The following C10orf88 variants were observed in gnomAD, a reference collection of about 807,000 sequenced individuals.
The protein encoded by C10orf88 is chromosome 10 open reading frame 88.
A neutral mutation model predicts 34.2 loss-of-function variants in C10orf88; 29 were observed. The observed-to-expected ratio is 0.85, with a 90% CI of 0.63 to 1.16. The LOEUF (loss-of-function observed/expected upper bound fraction) is 1.16. Among genes scored for constraint, C10orf88 ranks in the 50% most tolerant of loss-of-function variants. C10orf88 has a pLI of 0.00. For missense variants in C10orf88, 507 were observed against 533.2 expected, an observed-to-expected ratio of 0.95 and a Z score of 0.48; for synonymous variants, 194 against 197.4, an observed-to-expected ratio of 0.98 and a Z score of 0.15.
chr10:122,950,686 G>A (rs1459235808), intron 3 of C10orf88, among the ~76,000 whole-genome samples: 1 of 152,070 alleles, frequency 6.6e-6, no homozygotes. Context: ...TTGCCCACTA[G>A]AATACAAGCA....
chr10:122,953,979 G>A (rs1279253363), intron 1 of C10orf88, 36 bp downstream of exon 1: 2 of 1,482,964 alleles, frequency 1.3e-6, no homozygotes, highest in Non-Finnish European at 8.9e-7. Context: ...GGCAGTTGCC[G>A]AGCATAGCGA....
intron 5 of C10orf88, among the ~76,000 whole-genome samples, chr10:122,936,032 A>C (rs1848531453): frequency 6.6e-6 from 1 of 151,888 alleles, no homozygotes. Context: ...AAGCATGTAA[A>C]ATTGATGTTC....
Position 122,938,212 on chromosome 10 carries a change from T to G in C10orf88, c.649-53A>C. The stretch of plus-strand genomic sequence containing the variant: ...ATATTAATAACACTGACAGCTAACT[T>G]TTGGAGTAATTACTATGAGTCAGGC... On this transcript the variant is annotated intron_variant, in intron 4 of 5. Coordinates refer to ENST00000481909, the MANE Select transcript of C10orf88 (RefSeq NM_024942.4). 4 of 1,402,228 alleles carry G rather than the reference T, an allele frequency of 2.9e-6. No homozygotes were observed. In the South Asian group the frequency reaches 5.4e-5, roughly 19 times the overall value. The allele number at this position is 1,402,228 out of a possible 1,614,324, so 86.9% of individuals were successfully genotyped here. A position where few individuals can be genotyped will look rare whatever the true frequency, so the allele number is the denominator to read the frequency against.
chr10:122,947,738 G>A (rs1020546613), intron 4 of C10orf88, among the ~76,000 whole-genome samples: 16 of 152,078 alleles, frequency 1.1e-4, no homozygotes, highest in Non-Finnish European at 2.2e-4. Context: ...TTTCCTCCAA[G>A]CATCCTCCTC....
rs374922382 is a variant in C10orf88, at chr10:122,939,311, G to T, written c.649-1152C>A. ...AAAAAGGGGAAAGAAAAGAAAAAGA[G>T]AAAGTAAGGGAAAGAGAAAAGAAGT... On this transcript the variant is annotated intron_variant, in intron 4 of 5. Transcript: ENST00000481909. 1.5e-4 allele frequency among the ~76,000 whole-genome samples: 22 copies of T among 150,954 alleles called. No individual in the cohort carries two copies. The East Asian group carries it at 1.6e-3, about 11-fold the overall frequency.
At position 122,932,555 on chromosome 10, in the gene C10orf88, G is replaced by T; in HGVS notation, c.1210C>A (p.Leu404Ile). Residue 404 changes from leucine (L) to isoleucine (I), a missense_variant, in exon 6 of 6, where the codon CTC (leucine) becomes ATC (isoleucine). By Grantham distance (5) the Leu-to-Ile change is conservative (BLOSUM62 2). Transcript: ENST00000481909. The stretch of plus-strand genomic sequence containing the variant: ...ATCTTATCATCAATGTGCTCCTGGA[G>T]TTCATGTATTCGCTGATCAATGTAA... ...MDYIDQRIHELQEHIDDKIAL... is the reference protein window; with the variant it reads ...MDYIDQRIHEIQEHIDDKIAL... The T allele has an allele frequency of 6.2e-7, 1 of 1,613,912 alleles. No individual in the cohort carries two copies. Among genetic ancestry groups the T allele is most frequent in the Non-Finnish European group, 8.5e-7 (1 of 1,179,912 alleles).
chr10:122,934,746 G>C (rs1162224317), intron 5 of C10orf88, among the ~76,000 whole-genome samples: 1 of 152,116 alleles, frequency 6.6e-6, no homozygotes, highest in East Asian at 1.9e-4. Context: ...ATATTTTTTA[G>C]AGTGACTGTA....
At chr10:122,935,997 T>C (rs1848531225) in intron 5 of C10orf88, among the ~76,000 whole-genome samples, 2 of 151,914 alleles carry the variant, frequency 1.3e-5, no homozygotes, top group Admixed American at 6.6e-5. Context: ...AGTTGGAACA[T>C]CTTCCCTCCT....
rs767724784 is a variant in C10orf88 at position 122,937,721 on chromosome 10, G to C, written c.1087C>G (p.Arg363Gly). 3 of 1,605,078 alleles carry C rather than the reference G, an allele frequency of 1.9e-6. No individual in the cohort carries two copies. In the African/African-American group the frequency reaches 4.0e-5, roughly 22 times the overall value. ...AATACTTACCCAACACCAAGAATGC[G>C]TTCACCATGCTTGGTGATGTTTTCC... ...CQENITKHGE[R>G]ILGVGMEEQS... The change falls in exon 5 of 6, where the codon CGC (arginine) becomes GGC (glycine). Residue 363 changes from arginine to glycine, a missense_variant. Transcript: ENST00000481909.
Position 122,948,808 on chromosome 10 carries a change from CACA to C in C10orf88, c.486_488del (p.Val164del). 1 of 1,613,560 alleles carries C rather than the reference CACA, an allele frequency of 6.2e-7. No individual in the cohort carries two copies. Among genetic ancestry groups the C allele is most frequent in the Non-Finnish European group, 8.5e-7 (1 of 1,179,848 alleles). ...TTGCAAAAACTGATCTCATGTGTACCACAACTTTACTGATGAACACACACTGCC... is the reference window on the plus strand; with the variant it reads ...TTGCAAAAACTGATCTCATGTGTACCACTTTACTGATGAACACACACTGCC... On this transcript the variant is annotated inframe_deletion, in exon 4 of 6. Coordinates refer to ENST00000481909, the MANE Select transcript of C10orf88 (RefSeq NM_024942.4).
Position 122,948,732 on chromosome 10 carries a change from C to T in C10orf88, c.565G>A (p.Val189Ile), listed in dbSNP as rs1366626737. ...CCCATGGACTCCATTATGGTTTGGA[C>T]CTTGTCAAGGTCTATCCTTGATCCT... Reference protein sequence around the residue: ...ALGSRIDLDKVQTIMESMGSK... With the variant: ...ALGSRIDLDKIQTIMESMGSK... Residue 189 changes from valine to isoleucine, a missense_variant, in exon 4 of 6, where the codon GTC becomes ATC. Val to Ile is a conservative substitution (Grantham distance 29). Transcript: ENST00000481909. The T allele has an allele frequency of 1.2e-6, 2 of 1,613,954 alleles. No homozygotes were observed. The highest frequency in any genetic ancestry group is 1.7e-5 in the Admixed American group (1 of 59,996).
At chr10:122,952,501 C>T (rs570472284) in intron 2 of C10orf88, among the ~76,000 whole-genome samples, 7 of 152,208 alleles carry the variant, frequency 4.6e-5, no homozygotes, top group Non-Finnish European at 8.8e-5. Context: ...AATTAACTTT[C>T]GGAAGACAGA....
chr10:122,952,011 G>T lies in C10orf88; in HGVS notation c.384C>A (p.Ile128=), dbSNP rs780002117. Residue 128 remains isoleucine (I), a synonymous_variant, in exon 3 of 6, where the codon ATC becomes ATA. Coordinates refer to ENST00000481909, the MANE Select transcript of C10orf88 (RefSeq NM_024942.4). Reference sequence around the variant, plus strand: ...ATTTTAGATTTTTTTTATACAAAATGATCTTTTCATGTTCACTAAAAATAA... The same window carrying T: ...ATTTTAGATTTTTTTTATACAAAATTATCTTTTCATGTTCACTAAAAATAA... ...TVLDDSEHEK[I]ILYKKNLKLE... is the part of the protein sequence containing the mutation. 8 of 1,495,990 alleles carry T rather than the reference G, an allele frequency of 5.3e-6. No individual in the cohort carries two copies. In the East Asian group the frequency reaches 1.6e-4, roughly 30 times the overall value. 92.7% of individuals were successfully genotyped at this position (1,495,990 alleles called of 1,614,324 possible).
chr10:122,939,971 G>C (rs1848568092), intron 4 of C10orf88, among the ~76,000 whole-genome samples: 1 of 151,900 alleles, frequency 6.6e-6, no homozygotes, highest in Admixed American at 6.6e-5. Context: ...TAGTATAGCA[G>C]TGATGAAAAA....
chr10:122,953,023 C>A lies in C10orf88; in HGVS notation c.174G>T (p.Leu58=). The change falls in exon 2 of 6, where the codon CTG becomes CTT. Residue 58 remains leucine, a synonymous_variant. Transcript: ENST00000481909. ...TGTTGTGGTTTCTCTTCAAAATCAC[C>A]AGATCCTGACTGAGAAGAAAATTGG... The part of the protein sequence containing the change: ...LLAPPAPGQD[L]VILKRNHNNK... 1 of 1,611,590 alleles carries A rather than the reference C, an allele frequency of 6.2e-7. No individual in the cohort carries two copies. Among genetic ancestry groups the A allele is most frequent in the Non-Finnish European group, 8.5e-7 (1 of 1,177,826 alleles).
At position 122,947,574 on chromosome 10, in the gene C10orf88, G is replaced by A. The variant is rs555321477; in HGVS notation, c.648+1075C>T. ...TTTTCCTCTCCCTTCACCACCCTCC[G>A]TCAGCTACTGTGGGTACACCCCTAA... On this transcript the variant is annotated intron_variant, in intron 4 of 5. Transcript: ENST00000481909. 5.3e-5 allele frequency among the ~76,000 whole-genome samples: 8 copies of A among 152,038 alleles called. No homozygotes were observed. The South Asian group carries it at 1.5e-3, about 28-fold the overall frequency.
At chr10:122,940,509 A>C (rs1446145559) in intron 4 of C10orf88, among the ~76,000 whole-genome samples, 1 of 152,080 alleles carries the variant, frequency 6.6e-6, no homozygotes, top group Non-Finnish European at 1.5e-5. Flanking sequence ...AGTTAACAAC[A>C]CCATATTGTA....
intron 4 of C10orf88, among the ~76,000 whole-genome samples, chr10:122,942,656 G>C (rs1247845303): frequency 2.0e-5 from 3 of 150,104 alleles, no homozygotes; most frequent in Non-Finnish European, 4.4e-5. Context: ...TCCTTAAGCT[G>C]ATAAGCAACT....
Position 122,943,552 on chromosome 10 carries a change from C to T in C10orf88, c.648+5097G>A, listed in dbSNP as rs1848606277. Among the ~76,000 whole-genome samples, 2 of 152,076 alleles carry T rather than the reference C, an allele frequency of 1.3e-5. 1 individual carries two copies. Among genetic ancestry groups the T allele is most frequent in the Admixed American group, 1.3e-4 (2 of 15,250 alleles). On this transcript the variant is annotated intron_variant, in intron 4 of 5. Coordinates refer to ENST00000481909, the MANE Select transcript of C10orf88 (RefSeq NM_024942.4). ...ATCTAATTAAACTAAACAGCTTCTG[C>T]ACAGCAAAAGAAACTACCATCAGAG...
Sources: allele counts gnomAD v4.1 joint callset (sites outside exome capture counted in the v4.1 genomes callset), GRCh38; gene constraint gnomAD v4.1.1; transcripts MANE v1.5; gene names NCBI Gene and HGNC (gene_info 2026-07-23, HGNC 2026-07-21).